The following OR4N2 variants were observed in gnomAD, a reference collection of about 807,000 sequenced individuals.
OR4N2 encodes olfactory receptor family 4 subfamily N member 2.
For synonymous variants in OR4N2, 141 were observed against 140.4 expected, an observed-to-expected ratio of 1.00 and a Z score of -0.03; for missense variants, 307 against 377.6, an observed-to-expected ratio of 0.81 and a Z score of 1.55.
At chr14:19,820,198 A>T (rs778913005) in intron 1 of OR4N2, among the ~76,000 whole-genome samples, 18 of 152,258 alleles carry the variant, frequency 1.2e-4, no homozygotes, top group Non-Finnish European at 2.1e-4. Context: ...TCTGTCCCTT[A>T]GCAGAGTTCA....
chr14:19,819,070 T>TA (rs200712091), intron 1 of OR4N2, among the ~76,000 whole-genome samples: 1,901 of 152,090 alleles, frequency 0.012, 10 homozygotes, highest in African/African-American at 0.043. Flanking sequence ...CTGATGGGCT[T>TA]CCCTTTGTGG....
chr14:19,828,539 A>G lies in OR4N2; in HGVS notation c.*167A>G, dbSNP rs1879788098. On this transcript the variant is annotated 3_prime_UTR_variant, in exon 2 of 2. Coordinates refer to ENST00000557677, the MANE Select transcript of OR4N2 (RefSeq NM_001004723.3). ...GGCAGATAAGGTCCATCTGCTCTCC[A>G]AGAGATACAACCTAGTAAAAATAGA... is the stretch of plus-strand genomic sequence containing the variant. The G allele has an allele frequency of 1.3e-5, 9 of 700,942 alleles. No homozygotes were observed. Among genetic ancestry groups the G allele is most frequent in the South Asian group, 1.2e-4 (6 of 50,706 alleles). 43.4% of individuals were successfully genotyped at this position (700,942 alleles called of 1,614,324 possible).
At chr14:19,809,125 G>A (rs1234389269) in intron 1 of OR4N2, among the ~76,000 whole-genome samples, 2 of 151,972 alleles carry the variant, frequency 1.3e-5, no homozygotes, top group Non-Finnish European at 2.9e-5. Context: ...TCAATAAATG[G>A]TGCTGGGATA....
intron 1 of OR4N2, among the ~76,000 whole-genome samples, chr14:19,816,978 A>T (rs1879442754): frequency 6.6e-6 from 1 of 152,254 alleles, no homozygotes; most frequent in Admixed American, 6.5e-5. Flanking sequence ...GGTTCTGTTT[A>T]TGTGATGGAT....
intron 1 of OR4N2, among the ~76,000 whole-genome samples, chr14:19,826,798 G>A (rs1394883552): frequency 5.3e-5 from 8 of 152,238 alleles, no homozygotes; most frequent in Admixed American, 2.6e-4. Context: ...TACAGCTGGA[G>A]CACTGTGCCT....
chr14:19,811,581 G>C (rs528918601), intron 1 of OR4N2, among the ~76,000 whole-genome samples: 1 of 152,248 alleles, frequency 6.6e-6, no homozygotes, highest in African/African-American at 2.4e-5. Context: ...TTAGCAATCC[G>C]AACATGACAA....
Position 19,827,618 on chromosome 14 carries a change from C to A in OR4N2, c.170C>A (p.Ala57Asp), listed in dbSNP as rs748796945. 1.3e-4 allele frequency: 211 copies of A among 1,613,908 alleles called. No individual in the cohort carries two copies. The highest frequency in any genetic ancestry group is 1.6e-4 in the Non-Finnish European group (187 of 1,179,904). The change falls in exon 2 of 2, where the codon GCC becomes GAC. Residue 57 changes from alanine to aspartate, a missense_variant. Ala to Asp is a moderately radical substitution (Grantham distance 126, BLOSUM62 -2). Transcript: ENST00000557677. ...FTIKSDPGLT[A>D]PLYFFLGNLA... Reference sequence around the variant, plus strand: ...ATAAAGTCAGACCCTGGGCTCACAGCCCCCCTCTATTTCTTTCTGGGCAAC... The same window carrying A: ...ATAAAGTCAGACCCTGGGCTCACAGACCCCCTCTATTTCTTTCTGGGCAAC...
chr14:19,812,383 A>G (rs1879322269), intron 1 of OR4N2, among the ~76,000 whole-genome samples: 1 of 133,808 alleles, frequency 7.5e-6, no homozygotes, highest in Non-Finnish European at 1.5e-5. Context: ...CTGGATCTCG[A>G]CAGTGGCGCA....
intron 1 of OR4N2, among the ~76,000 whole-genome samples, chr14:19,821,355 G>A (rs1302034555): frequency 5.3e-5 from 8 of 152,204 alleles, no homozygotes; most frequent in African/African-American, 1.9e-4. Flanking sequence ...CTTGCTGGGA[G>A]TTGCAGACCA....
chr14:19,809,366 T>C (rs1879242077), intron 1 of OR4N2, among the ~76,000 whole-genome samples: 1 of 152,150 alleles, frequency 6.6e-6, no homozygotes, highest in South Asian at 2.1e-4. Flanking sequence ...TCGGGCCTAA[T>C]TAAACAAAAG....
At chr14:19,827,028 A>C (rs11846644) in intron 1 of OR4N2, among the ~76,000 whole-genome samples, 45,094 of 148,762 alleles carry the variant, frequency 0.3, 3,872 homozygotes, top group African/African-American at 0.4. Flanking sequence ...CAAGGAGAAA[A>C]AGGGTCTAAT....
At chr14:19,813,099 C>A (rs574956707) in intron 1 of OR4N2, among the ~76,000 whole-genome samples, 1 of 152,244 alleles carries the variant, frequency 6.6e-6, no homozygotes, top group East Asian at 1.9e-4. Flanking sequence ...TTAGAGTGAA[C>A]ATTAAGAGGT....
chr14:19,823,102 T>A (rs1180222645), intron 1 of OR4N2, among the ~76,000 whole-genome samples: 1 of 152,276 alleles, frequency 6.6e-6, no homozygotes, highest in East Asian at 1.9e-4. Context: ...ATCAGCAGCA[T>A]CAGCATAAAT....
chr14:19,807,647 A>T (rs1241153872), intron 1 of OR4N2, among the ~76,000 whole-genome samples: 2 of 151,956 alleles, frequency 1.3e-5, no homozygotes, highest in East Asian at 1.9e-4. Context: ...GCTGAATTCT[A>T]CCAGATTTTA....
At chr14:19,812,579 C>T (rs548067334) in intron 1 of OR4N2, among the ~76,000 whole-genome samples, 2 of 152,278 alleles carry the variant, frequency 1.3e-5, no homozygotes, top group South Asian at 4.1e-4. Flanking sequence ...AGAATGGTCT[C>T]GGTCTCCTGA....
At chr14:19,815,861 G>A (rs1381306961) in intron 1 of OR4N2, among the ~76,000 whole-genome samples, 1 of 152,164 alleles carries the variant, frequency 6.6e-6, no homozygotes, top group Non-Finnish European at 1.5e-5. Context: ...AGTCCATCTT[G>A]AGTTAATTTT....
At chr14:19,818,132 G>A (rs1459692711) in intron 1 of OR4N2, among the ~76,000 whole-genome samples, 1 of 152,234 alleles carries the variant, frequency 6.6e-6, no homozygotes, top group Non-Finnish European at 1.5e-5. Flanking sequence ...TATAATAAGT[G>A]TGATGTGGTG....
intron 1 of OR4N2, among the ~76,000 whole-genome samples, chr14:19,813,855 T>TTTTTTTTTTGAGACGG (rs1566464217): frequency 2.7e-4 from 39 of 143,648 alleles, no homozygotes; most frequent in African/African-American, 7.7e-4. Flanking sequence ...TTTTTTTTTT[T>TTTTTTTTTTGAGACGG]AAGTCATACA....
chr14:19,823,865 G>A (rs1378511435), intron 1 of OR4N2, among the ~76,000 whole-genome samples: 1 of 152,188 alleles, frequency 6.6e-6, no homozygotes. Flanking sequence ...AATAAGGAAG[G>A]AGGTTGAGTA....
Sources: gnomAD v4.1 joint callset for allele counts (sites outside exome capture counted in the v4.1 genomes callset) on GRCh38, gnomAD v4.1.1 for gene constraint, MANE v1.5 for transcripts, NCBI Gene and HGNC (gene_info 2026-07-23, HGNC 2026-07-21) for gene names.